Variants in DCUN1D2 observed in about 807,000 individuals in gnomAD.
The protein encoded by DCUN1D2 is DCN1-like protein 2.
In DCUN1D2, 29 loss-of-function variants were observed where a neutral mutation model predicts 30.9. The observed-to-expected ratio is 0.94, with a 90% CI of 0.70 to 1.28. The LOEUF (loss-of-function observed/expected upper bound fraction) is 1.28. Among genes scored for constraint, DCUN1D2 ranks in the 50% most tolerant of loss-of-function variants. DCUN1D2 has a pLI of 0.00. For missense variants in DCUN1D2, 325 were observed against 316.9 expected (o/e 1.03, Z -0.19); for synonymous variants, 121 against 115.3 (o/e 1.05, Z -0.32).
At chr13:113,462,702 C>T in intron 4 of DCUN1D2, 1 of 980,170 alleles carries the variant, frequency 1.0e-6, no homozygotes, top group Non-Finnish European at 1.2e-6. Flanking sequence ...CAGAAAGTGC[C>T]AAGTAACTGA....
chr13:113,474,131 T>C lies in DCUN1D2; in HGVS notation c.513A>G (p.Lys171=), dbSNP rs1382960324. ...TFTFAKNPGQ[K]GLDLEMAVAY... The stretch of plus-strand genomic sequence containing the variant: ...TTTGGATTTCATACTCACCTAAACC[T>C]TTCTGCCCTGGGTTCTTAGCGAAGG... The change falls in exon 4 of 7, where the codon AAA becomes AAG. Residue 171 remains lysine (K), a synonymous_variant. Transcript: ENST00000478244. The C allele has an allele frequency of 1.2e-6, 2 of 1,613,760 alleles. No homozygotes were observed. Among genetic ancestry groups the C allele is most frequent in the African/African-American group, 1.3e-5 (1 of 74,928 alleles).
chr13:113,467,623 A>G (rs2044427929), intron 4 of DCUN1D2, among the ~76,000 whole-genome samples: 4 of 152,156 alleles, frequency 2.6e-5, no homozygotes, highest in Admixed American at 2.0e-4. Context: ...GGATGTGCAG[A>G]GGTTGGATGC....
chr13:113,487,143 A>C (rs1297594054), intron 1 of DCUN1D2, among the ~76,000 whole-genome samples: 2 of 152,234 alleles, frequency 1.3e-5, no homozygotes. Flanking sequence ...GTAAGCTGAC[A>C]AAAGATACAG....
At chr13:113,481,962 CATAG>C (rs1353485996) in intron 2 of DCUN1D2, among the ~76,000 whole-genome samples, 1 of 152,074 alleles carries the variant, frequency 6.6e-6, no homozygotes, top group Non-Finnish European at 1.5e-5. Flanking sequence ...ACAACCTCAG[CATAG>C]TTTATGGGAC....
chr13:113,462,880 A>G, intron 4 of DCUN1D2: 3 of 1,259,508 alleles, frequency 2.4e-6, no homozygotes, highest in South Asian at 1.4e-5. Flanking sequence ...ACATTGAGAA[A>G]TGGAGGTGAA....
At chr13:113,465,724 T>C (rs1203611805) in intron 4 of DCUN1D2, among the ~76,000 whole-genome samples, 1 of 150,872 alleles carries the variant, frequency 6.6e-6, no homozygotes, top group Non-Finnish European at 1.5e-5. Flanking sequence ...TGGAGTGCAG[T>C]GGTGCAATCT....
At chr13:113,480,964 G>A (rs1422604696) in intron 2 of DCUN1D2, among the ~76,000 whole-genome samples, 1 of 116,918 alleles carries the variant, frequency 8.6e-6, no homozygotes, top group African/African-American at 5.3e-5. Flanking sequence ...CTAGGTTTCT[G>A]GGTTTTAGGG....
chr13:113,474,072 CTGAAAACCTCATTATG>C (rs2044569538), intron 4 of DCUN1D2, 36 bp downstream of exon 4: 1 of 1,586,730 alleles, frequency 6.3e-7, no homozygotes, highest in East Asian at 2.3e-5. Context: ...CTCACGTCCA[CTGAAAACCTCATTATG>C]ATCTGGCATT....
intron 1 of DCUN1D2, among the ~76,000 whole-genome samples, chr13:113,487,799 C>T (rs1422019764): frequency 2.0e-5 from 3 of 152,128 alleles, no homozygotes; most frequent in African/African-American, 4.8e-5. Flanking sequence ...AATTTGTGAA[C>T]GTACTAAACA....
chr13:113,467,363 G>A (rs1249308281), intron 4 of DCUN1D2, among the ~76,000 whole-genome samples: 1 of 152,156 alleles, frequency 6.6e-6, no homozygotes, highest in Non-Finnish European at 1.5e-5. Flanking sequence ...GCATATTGGA[G>A]GCAATTTTGA....
In DCUN1D2 at chr13:113,456,001, A is replaced by C. The variant is rs565604739; in HGVS notation, c.*2028T>G. 5.1e-6 allele frequency: 2 copies of C among 391,286 alleles called. No individual in the cohort carries two copies. The highest frequency in any genetic ancestry group is 4.1e-5 in the African/African-American group (2 of 48,522). The allele number at this position is 391,286 out of a possible 1,614,324, so 24.2% of individuals were successfully genotyped here. A position where few individuals can be genotyped will look rare whatever the true frequency, so the allele number is the denominator to read the frequency against. Reference sequence around the variant, plus strand: ...TCTCAAAAACAAAAAAGTACTGTGGATCTCCATAGTTTATACAGAATTATG... The same window carrying C: ...TCTCAAAAACAAAAAAGTACTGTGGCTCTCCATAGTTTATACAGAATTATG... On this transcript the variant is annotated 3_prime_UTR_variant, in exon 7 of 7. Coordinates refer to ENST00000478244, the MANE Select transcript of DCUN1D2 (RefSeq NM_001014283.2).
intron 4 of DCUN1D2, among the ~76,000 whole-genome samples, chr13:113,464,562 G>A (rs940981835): frequency 8.5e-5 from 13 of 152,240 alleles, no homozygotes; most frequent in Non-Finnish European, 1.8e-4. Context: ...TGGTGGCACC[G>A]AGTGGAAGGG....
intron 5 of DCUN1D2, among the ~76,000 whole-genome samples, chr13:113,460,761 G>A (rs1223876884): frequency 2.0e-5 from 3 of 152,230 alleles, no homozygotes; most frequent in African/African-American, 7.2e-5. Flanking sequence ...GACAACACGG[G>A]GGCTGCTGGG....
chr13:113,488,302 A>C lies in DCUN1D2; in HGVS notation c.3+2365T>G, dbSNP rs2139753766. On this transcript the variant is annotated intron_variant, in intron 1 of 6. Coordinates refer to ENST00000478244, the MANE Select transcript of DCUN1D2 (RefSeq NM_001014283.2). This position sits in a 1 kb window ranked among gnomAD's most constrained non-coding sequence, Gnocchi z 4.3. ...GGCACTGGTTCTGAAGGAGCAAGAG[A>C]AGCTTTGGGGTCTAGGCTTAGTCCA... is the stretch of plus-strand genomic sequence containing the variant. 6.6e-6 allele frequency among the ~76,000 whole-genome samples: 1 copy of C among 152,326 alleles called. No individual in the cohort carries two copies. Among genetic ancestry groups the C allele is most frequent in the East Asian group, 1.9e-4 (1 of 5,182 alleles).
rs370440421 is a variant in DCUN1D2 at position 113,488,570 on chromosome 13, G to A, written c.3+2097C>T. On this transcript the variant is annotated intron_variant, in intron 1 of 6. Coordinates refer to ENST00000478244, the MANE Select transcript of DCUN1D2 (RefSeq NM_001014283.2). This position sits in a 1 kb window ranked among gnomAD's most constrained non-coding sequence, Gnocchi z 4.3. ...AAACTACAGGGGAGAGAAGGAAGCC[G>A]AGTCCCTCTAGACAGGACTAAACCC... Among the ~76,000 whole-genome samples, 8 of 152,204 alleles carry A rather than the reference G, an allele frequency of 5.3e-5. No homozygotes were observed. The highest frequency in any genetic ancestry group is 1.7e-4 in the African/African-American group (7 of 41,448).
intron 6 of DCUN1D2, 27 bp from the exon 7 acceptor site, chr13:113,458,135 C>T: frequency 6.3e-7 from 1 of 1,591,156 alleles, no homozygotes; most frequent in Non-Finnish European, 8.6e-7. Flanking sequence ...AAACAGAAAA[C>T]CCGTTAGAGC....
At chr13:113,491,538 G>A (rs2045049338), upstream of DCUN1D2, among the ~76,000 whole-genome samples, 1 of 151,826 alleles carries the variant, frequency 6.6e-6, no homozygotes, top group Non-Finnish European at 1.5e-5. Flanking sequence ...CCCTCCCTGG[G>A]GCTCACCTCC....
At chr13:113,468,687 G>A (rs992761896) in intron 4 of DCUN1D2, among the ~76,000 whole-genome samples, 6 of 148,760 alleles carry the variant, frequency 4.0e-5, no homozygotes, top group Admixed American at 1.3e-4. Flanking sequence ...CAGGCGGGGC[G>A]GAGGCAGCAC....
rs752684726 is a variant in DCUN1D2, at chr13:113,458,038, G to A, written c.771C>T (p.Ser257=). 3 of 1,614,008 alleles carry A rather than the reference G, an allele frequency of 1.9e-6. No individual in the cohort carries two copies. Among genetic ancestry groups the A allele is most frequent in the Non-Finnish European group, 2.5e-6 (3 of 1,179,872 alleles). Residue 257 remains serine (S), a synonymous_variant, in exon 7 of 7, where the codon AGC becomes AGT. Transcript: ENST00000478244. ...ARPVVTGGKR[S]LF ...CTGCTTAACTTGCTGCCTAGAAAAG[G>A]CTGCGTTTTCCACCTGTGACTACTG...
Sources: allele counts gnomAD v4.1 joint callset (sites outside exome capture counted in the v4.1 genomes callset), GRCh38; gene constraint gnomAD v4.1.1; non-coding constraint Gnocchi (gnomAD v3.1); transcripts MANE v1.5; gene names NCBI Gene and HGNC (gene_info 2026-07-23, HGNC 2026-07-21).